The following MYO3A variants were observed in gnomAD, a reference collection of about 807,000 sequenced individuals.
MYO3A encodes the protein myosin IIIA.
Under a neutral mutation model 192.7 loss-of-function variants are expected in MYO3A, and 180 were observed. That is an observed-to-expected ratio of 0.93 (90% CI 0.83 to 1.06). MYO3A has a LOEUF of 1.06. Ranked by LOEUF, MYO3A falls within the 50% of genes least tolerant of loss-of-function variation. The pLI is 0.00. For missense variants in MYO3A, 1,896 were observed against 1,905.0 expected (o/e 1.00, Z 0.09); for synonymous variants, 628 against 645.3 (o/e 0.97, Z 0.41).
chr10:26,001,889 A>T (rs539327242), intron 6 of MYO3A, among the ~76,000 whole-genome samples: 2 of 152,254 alleles, frequency 1.3e-5, no homozygotes, highest in African/African-American at 4.8e-5. Flanking sequence ...CAGGAGGCTG[A>T]GGTGGGAGGA....
chr10:26,088,179 A>G (rs770130311), intron 14 of MYO3A, 24 bp from the exon 15 acceptor site: 3 of 1,520,780 alleles, frequency 2.0e-6, no homozygotes, highest in Non-Finnish European at 1.8e-6. Flanking sequence ...TGTTTTTAAA[A>G]ATATCTTAAT....
intron 2 of MYO3A, among the ~76,000 whole-genome samples, chr10:25,939,401 A>G (rs1836327497): frequency 1.3e-5 from 2 of 151,558 alleles, no homozygotes; most frequent in Non-Finnish European, 1.5e-5. Flanking sequence ...CATTGGTTTT[A>G]TATAATTTTA....
chr10:25,943,439 T>C (rs566040399), intron 2 of MYO3A, among the ~76,000 whole-genome samples: 113 of 152,216 alleles, frequency 7.4e-4, no homozygotes, highest in African/African-American at 2.6e-3. Flanking sequence ...TTGCTAACAA[T>C]TGCATTGAAT....
intron 6 of MYO3A, among the ~76,000 whole-genome samples, chr10:25,997,730 C>T (rs1040061719): frequency 1.6e-4 from 24 of 152,028 alleles, no homozygotes; most frequent in Non-Finnish European, 7.4e-5. Context: ...ACAGTGATGC[C>T]GGAAACTGCT....
chr10:26,096,649 G>A lies in MYO3A; in HGVS notation c.1743G>A (p.Glu581=), dbSNP rs41279908. ...SFYKSQYELI[E]QCFKVIGFTM... is the part of the protein sequence containing the mutation. The stretch of plus-strand genomic sequence containing the variant: ...ATAAATCCCAGTATGAATTAATTGA[G>A]CAATGTTTCAAAGTCATAGGTTTTA... The change falls in exon 17 of 35, where the codon GAG becomes GAA. Residue 581 remains glutamate (E), a synonymous_variant. Transcript: ENST00000642920. 166,439 of 1,595,078 alleles carry A rather than the reference G, an allele frequency of 0.1. 9,691 individuals are homozygous for A. Among genetic ancestry groups the A allele is most frequent in the Non-Finnish European group, 0.12 (137,243 of 1,162,732 alleles).
At chr10:26,066,877 C>T (rs1299550793) in intron 10 of MYO3A, 98 bp from the exon 11 acceptor site, 1 of 769,622 alleles carries the variant, frequency 1.3e-6, no homozygotes, top group African/African-American at 1.7e-5. Context: ...ATTTAATAAA[C>T]AGATTCCTAG....
At chr10:26,064,916 C>G (rs562216813) in intron 10 of MYO3A, among the ~76,000 whole-genome samples, 20 of 152,190 alleles carry the variant, frequency 1.3e-4, no homozygotes, top group African/African-American at 4.8e-4. Flanking sequence ...ATCAAATAAG[C>G]ATTTAGATGC....
At chr10:26,142,028 A>G (rs1840194011) in intron 20 of MYO3A, among the ~76,000 whole-genome samples, 1 of 152,300 alleles carries the variant, frequency 6.6e-6, no homozygotes, top group East Asian at 1.9e-4. Context: ...ATTATACATC[A>G]TAACTATCCA....
At chr10:26,100,047 T>C (rs1265821917) in intron 17 of MYO3A, among the ~76,000 whole-genome samples, 1 of 152,196 alleles carries the variant, frequency 6.6e-6, no homozygotes. Context: ...GTCCTGGACT[T>C]TTTTTGATTC....
At chr10:26,016,760 A>G (rs550156019) in intron 6 of MYO3A, 60 bp from the exon 7 acceptor site, 1 of 1,491,640 alleles carries the variant, frequency 6.7e-7, no homozygotes, top group Admixed American at 1.7e-5. Context: ...GATTATAGCA[A>G]TTGAAAGCTC....
At chr10:25,945,659 T>C (rs1335847229) in intron 2 of MYO3A, among the ~76,000 whole-genome samples, 1 of 152,148 alleles carries the variant, frequency 6.6e-6, no homozygotes, top group African/African-American at 2.4e-5. Flanking sequence ...TTGTAGATAG[T>C]ATATAGTTGC....
Position 26,174,148 on chromosome 10 carries a change from A to C in MYO3A, c.3884A>C (p.Tyr1295Ser). The C allele has an allele frequency of 6.2e-7, 1 of 1,614,246 alleles. No individual in the cohort carries two copies. The highest frequency in any genetic ancestry group is 1.1e-5 in the South Asian group (1 of 91,088). The change falls in exon 30 of 35, where the codon TAT becomes TCT. Residue 1295 changes from tyrosine (Y) to serine (S), a missense_variant. By Grantham distance (144) the Tyr-to-Ser change is moderately radical. Coordinates refer to ENST00000642920, the MANE Select transcript of MYO3A (RefSeq NM_017433.5). ...CCTACACTTAGCCAAAGGTCAATTT[A>C]TCAAAATGCAAACAGCATGGAAAAA... ...LEPTLSQRSI[Y>S]QNANSMEKEK...
At chr10:26,171,495 C>T (rs956758015) in intron 29 of MYO3A, among the ~76,000 whole-genome samples, 5 of 152,220 alleles carry the variant, frequency 3.3e-5, no homozygotes, top group Admixed American at 2.6e-4. Flanking sequence ...CCCTCACCTT[C>T]ACCCACACAT....
intron 20 of MYO3A, among the ~76,000 whole-genome samples, chr10:26,138,790 G>T (rs1839993542): frequency 6.6e-6 from 1 of 152,188 alleles, no homozygotes; most frequent in South Asian, 2.1e-4. Flanking sequence ...AACTCAAGAG[G>T]ATGATTTCCC....
At chr10:26,132,490 G>C (rs947601406) in intron 20 of MYO3A, among the ~76,000 whole-genome samples, 1 of 152,132 alleles carries the variant, frequency 6.6e-6, no homozygotes, top group African/African-American at 2.4e-5. Flanking sequence ...CTTTGAATTG[G>C]AACAAATGCC....
Position 26,180,467 on chromosome 10 carries a change from G to A in MYO3A, c.4438+3622G>A, listed in dbSNP as rs78794329. On this transcript the variant is annotated intron_variant, in intron 31 of 34. Coordinates refer to ENST00000642920, the MANE Select transcript of MYO3A (RefSeq NM_017433.5). ...AAGGAGGATGAAGATAAAGATACTA[G>A]TAACACCACATTTTTATGTTATTGG... Among the ~76,000 whole-genome samples, 88 of 152,218 alleles carry A rather than the reference G, an allele frequency of 5.8e-4. 4 individuals carry two copies. The East Asian group carries it at 0.017, about 29-fold the overall frequency.
At chr10:26,017,661 T>C (rs571912078) in intron 7 of MYO3A, among the ~76,000 whole-genome samples, 1 of 151,966 alleles carries the variant, frequency 6.6e-6, no homozygotes, top group Non-Finnish European at 1.5e-5. Flanking sequence ...AATACTTGTT[T>C]AATTATTACT....
chr10:26,173,822 T>C lies in MYO3A; in HGVS notation c.3558T>C (p.Tyr1186=), dbSNP rs764353736. 1 of 1,614,028 alleles carries C rather than the reference T, an allele frequency of 6.2e-7. No homozygotes were observed. Among genetic ancestry groups the C allele is most frequent in the Non-Finnish European group, 8.5e-7 (1 of 1,180,010 alleles). The change falls in exon 30 of 35, where the codon TAT becomes TAC. Residue 1186 remains tyrosine (Y), a synonymous_variant. Coordinates refer to ENST00000642920, the MANE Select transcript of MYO3A (RefSeq NM_017433.5). ...CTGTGGAGAGTAACAACAGAGTGTA[T>C]CAGACTCCAAAAAAAATGAATAATG... ...TNAVESNNRV[Y]QTPKKMNNVY...
intron 14 of MYO3A, among the ~76,000 whole-genome samples, chr10:26,084,609 C>T (rs1005435026): frequency 2.0e-5 from 3 of 152,208 alleles, no homozygotes; most frequent in East Asian, 1.9e-4. Flanking sequence ...GCTCAAGCGA[C>T]CCTTCTGCTT....
Sources: gnomAD v4.1 joint callset for allele counts (sites outside exome capture counted in the v4.1 genomes callset) on GRCh38, gnomAD v4.1.1 for gene constraint, MANE v1.5 for transcripts, NCBI Gene and HGNC (gene_info 2026-07-23, HGNC 2026-07-21) for gene names.